Variants in KCP observed in about 807,000 individuals in gnomAD.
KCP encodes the protein kielin/chordin-like protein.
Under a neutral mutation model 212.7 loss-of-function variants are expected in KCP, and 194 were observed. The ratio of observed to expected loss-of-function variants is 0.91; its 90% CI spans 0.81 to 1.03. The LOEUF is 1.03. Ranked by LOEUF, KCP falls within the 50% of genes least tolerant of loss-of-function variation. KCP has a pLI of 0.00. For synonymous variants in KCP, 833 were observed against 865.3 expected (o/e 0.96, Z 0.65); for missense variants, 2,080 against 2,162.5 (o/e 0.96, Z 0.76).
In KCP at chr7:128,879,950, AGC is replaced by A; in HGVS notation, c.3893_3894del (p.Ser1298IlefsTer19). On this transcript the variant is annotated frameshift_variant, in exon 35 of 40. Transcript: ENST00000610776. LOFTEE classifies it high-confidence loss of function. ...GRLLHFQGSCSYVLAKDCHSG... is the reference protein window; with the variant it reads ...GRLLHFQGSCXYVLAKDCHSG... ...CTGTGGCAGTCCTTGGCCAGCACATAGCTGCAACTGCCCTGGAAGTGCAGCAG... is the reference window on the plus strand; with the variant it reads ...CTGTGGCAGTCCTTGGCCAGCACATATGCAACTGCCCTGGAAGTGCAGCAG... 1 of 1,550,936 alleles carries A rather than the reference AGC, an allele frequency of 6.4e-7. No individual in the cohort carries two copies. The highest frequency in any genetic ancestry group is 8.7e-7 in the Non-Finnish European group (1 of 1,146,942).
In KCP at chr7:128,907,314, T is replaced by C. The variant is rs1795174601; in HGVS notation, c.359A>G (p.Gln120Arg). The change falls in exon 3 of 40, where the codon CAG becomes CGG. Residue 120 changes from glutamine (Q) to arginine (R), a missense_variant. Transcript: ENST00000610776. ...GGGGCCACAGTGAGCGGCCCCATCC[T>C]GGCAGACGCAGGCTGTGCAGGCGTC... is the stretch of plus-strand genomic sequence containing the variant. ...EPDACTACVC[Q>R]DGAAHCGPQA... is the part of the protein sequence containing the mutation. 2 of 1,540,434 alleles carry C rather than the reference T, an allele frequency of 1.3e-6. No homozygotes were observed. The highest frequency in any genetic ancestry group is 1.4e-5 in the African/African-American group (1 of 72,952).
chr7:128,904,057 A>T lies in KCP; in HGVS notation c.653T>A (p.Leu218Gln). ...GGCAGAGGGGACAGGTGGACTCACC[A>T]GGCAGGTGCACTGTAGACAAGGGTT... ...SSNPCLQCTC[L>Q]RSRVRCMALK... The change falls in exon 6 of 40, where the codon CTG becomes CAG. Residue 218 changes from leucine (L) to glutamine (Q), a missense_variant and splice_region_variant. Coordinates refer to ENST00000610776, the MANE Select transcript of KCP (RefSeq NM_001366122.1). 6.4e-7 allele frequency: 1 copy of T among 1,551,378 alleles called. No individual in the cohort carries two copies. The highest frequency in any genetic ancestry group is 8.7e-7 in the Non-Finnish European group (1 of 1,146,788).
chr7:128,908,385 C>A, intron 2 of KCP, 41 bp downstream of exon 2: 1 of 1,519,754 alleles, frequency 6.6e-7, no homozygotes, highest in Non-Finnish European at 8.9e-7. Context: ...CTATGAGAAG[C>A]CCTCCTTACC....
intron 34 of KCP, 137 bp downstream of exon 34, chr7:128,880,249 C>T: frequency 7.6e-7 from 1 of 1,319,268 alleles, no homozygotes; most frequent in Admixed American, 2.8e-5. Flanking sequence ...CGTGGTCGCA[C>T]TGGGAACAGC....
In KCP at chr7:128,908,307, G is replaced by GAAAGAAAGAAAGAAAGAAAGT. The variant is rs1554420571; in HGVS notation, c.219+118_219+119insACTTTCTTTCTTTCTTTCTTT. The stretch of plus-strand genomic sequence containing the variant: ...GAAAGAAAGAAAGAAAGAAAGAAAG[G>GAAAGAAAGAAAGAAAGAAAGT]GAATTGTTCAGATAAGAGCTCTATT... On this transcript the variant is annotated intron_variant, in intron 2 of 39. Transcript: ENST00000610776. 7.6e-6 allele frequency: 3 copies of GAAAGAAAGAAAGAAAGAAAGT among 396,966 alleles called. No individual in the cohort carries two copies. In the African/African-American group the frequency reaches 1.1e-4, roughly 14 times the overall value. The allele number at this position is 396,966 out of a possible 1,614,324, so 24.6% of individuals were successfully genotyped here. A position where few individuals can be genotyped will look rare whatever the true frequency, so the allele number is the denominator to read the frequency against.
intron 6 of KCP, 94 bp from the exon 7 acceptor site, chr7:128,903,914 G>T: frequency 7.3e-7 from 1 of 1,377,790 alleles, no homozygotes; most frequent in Admixed American, 2.0e-5. Context: ...GGGGGGCACA[G>T]GGCAGGGATG....
intron 4 of KCP, 143 bp from the exon 5 acceptor site, chr7:128,906,506 G>T: frequency 1.5e-6 from 1 of 677,506 alleles, no homozygotes; most frequent in Non-Finnish European, 2.7e-6. Context: ...TACCCTCTGT[G>T]TAAAGGCAGA....
chr7:128,884,625 G>A (rs988958263), intron 28 of KCP, among the ~76,000 whole-genome samples, 156 bp downstream of exon 28: 36 of 152,174 alleles, frequency 2.4e-4, no homozygotes, highest in African/African-American at 8.7e-4. Flanking sequence ...GGCCCTGTTG[G>A]CCCCAACCCT....
rs1413730085 is a variant in KCP, at chr7:128,907,124, C to T, written c.463G>A (p.Ala155Thr). 6.4e-7 allele frequency: 1 copy of T among 1,551,476 alleles called. No individual in the cohort carries two copies. The highest frequency in any genetic ancestry group is 2.4e-5 in the East Asian group (1 of 40,906). The stretch of plus-strand genomic sequence containing the variant: ...ACCAGACAGCGGCAGGTGGTGCAGG[C>T]ATCTGGGGAGAAGGTCTCCCCGTTG... ...YGNGETFSPD[A>T]CTTCRCLEGT... Residue 155 changes from alanine to threonine, a missense_variant, in exon 4 of 40, where the codon GCC becomes ACC. By Grantham distance (58) the Ala-to-Thr change is moderately conservative. Coordinates refer to ENST00000610776, the MANE Select transcript of KCP (RefSeq NM_001366122.1).
intron 38 of KCP, among the ~76,000 whole-genome samples, chr7:128,878,262 T>A (rs186227904): frequency 1.2e-3 from 178 of 152,202 alleles, no homozygotes; most frequent in African/African-American, 4.0e-3. Flanking sequence ...TTCTCCATGT[T>A]GGTCAGGCTG....
At position 128,885,217 on chromosome 7, in the gene KCP, CG is replaced by C. The variant is rs778175457; in HGVS notation, c.2919del (p.Asp974ThrfsTer111). ...CACACACAGGAGGAGCAGGCACTGT[CG>C]GGGGGCACCCATCTACTGCCTTCGG... ...EHPEGSRWVP[P>X]DSACSSCVCH... On this transcript the variant is annotated frameshift_variant, in exon 27 of 40. Transcript: ENST00000610776. LOFTEE classifies it high-confidence loss of function. 4 of 1,550,492 alleles carry C rather than the reference CG, an allele frequency of 2.6e-6. No individual in the cohort carries two copies. Among genetic ancestry groups the C allele is most frequent in the African/African-American group, 1.4e-5 (1 of 73,054 alleles).
Position 128,890,997 on chromosome 7 carries a change from C to T in KCP, c.2072G>A (p.Cys691Tyr). The T allele has an allele frequency of 7.5e-7, 1 of 1,341,010 alleles. No individual in the cohort carries two copies. The allele number at this position is 1,341,010 out of a possible 1,614,324, so 83.1% of individuals were successfully genotyped here. A position where few individuals can be genotyped will look rare whatever the true frequency, so the allele number is the denominator to read the frequency against. Reference sequence around the variant, plus strand: ...CTGGCAGGACACGGAGCCGTCGAGGCAGAGGCAGCGGCGGCAGGGATCGCC... The same window carrying T: ...CTGGCAGGACACGGAGCCGTCGAGGTAGAGGCAGCGGCGGCAGGGATCGCC... The part of the protein sequence containing the change: ...PPGDPCRRCL[C>Y]LDGSVSCQRL... Residue 691 changes from cysteine (C) to tyrosine (Y), a missense_variant, in exon 20 of 40, where the codon TGC becomes TAC. By Grantham distance (194) the Cys-to-Tyr change is radical. Coordinates refer to ENST00000610776, the MANE Select transcript of KCP (RefSeq NM_001366122.1).
intron 32 of KCP, 63 bp downstream of exon 32, chr7:128,880,934 T>TG (rs1396779110): frequency 2.5e-6 from 1 of 398,932 alleles, no homozygotes; most frequent in African/African-American, 2.1e-5. Flanking sequence ...GGTGGAGTGT[T>TG]GGACACTCCT....
In KCP at chr7:128,880,105, C is replaced by G; in HGVS notation, c.3760-20G>C. 6.6e-7 allele frequency: 1 copy of G among 1,505,982 alleles called. No individual in the cohort carries two copies. The highest frequency in any genetic ancestry group is 8.9e-7 in the Non-Finnish European group (1 of 1,122,836). The allele number at this position is 1,505,982 out of a possible 1,614,324, so 93.3% of individuals were successfully genotyped here. A position where few individuals can be genotyped will look rare whatever the true frequency, so the allele number is the denominator to read the frequency against. On this transcript the variant is annotated intron_variant, in intron 34 of 39. Coordinates refer to ENST00000610776, the MANE Select transcript of KCP (RefSeq NM_001366122.1). ...CTTGTCCTGCACTCAGCCCCAGACA[C>G]TGTCAGACACACCGCCCTCCCCGCC... is the stretch of plus-strand genomic sequence containing the variant.
intron 7 of KCP, 41 bp from the exon 8 acceptor site, chr7:128,902,900 C>T: frequency 6.8e-7 from 1 of 1,466,466 alleles, no homozygotes; most frequent in South Asian, 1.2e-5. Context: ...CTGGTGGGAG[C>T]TGGCCTGGAC....
chr7:128,880,124 C>T, intron 34 of KCP, 39 bp from the exon 35 acceptor site: 1 of 1,481,952 alleles, frequency 6.7e-7, no homozygotes, highest in Middle Eastern at 1.9e-4. Context: ...ACACCGCCCT[C>T]CCCGCCATGC....
At position 128,888,975 on chromosome 7, in the gene KCP, G is replaced by A; in HGVS notation, c.2400C>T (p.Cys800=). 6.5e-7 allele frequency: 1 copy of A among 1,548,526 alleles called. No homozygotes were observed. Among genetic ancestry groups the A allele is most frequent in the Non-Finnish European group, 8.7e-7 (1 of 1,144,964 alleles). The part of the protein sequence containing the change: ...NQEFPDPREP[C]NLCTCLGGFV... ...AGCCTCCAAGACAGGTACACAGGTT[G>A]CAGGGTTCTCGGGGGTCTGGGAACT... The change falls in exon 22 of 40, where the codon TGC becomes TGT. Residue 800 remains cysteine (C), a synonymous_variant. Coordinates refer to ENST00000610776, the MANE Select transcript of KCP (RefSeq NM_001366122.1).
At chr7:128,885,400 G>A in intron 26 of KCP, 130 bp from the exon 27 acceptor site, 1 of 899,856 alleles carries the variant, frequency 1.1e-6, no homozygotes, top group Non-Finnish European at 1.7e-6. Context: ...GCGGGAAGGT[G>A]CGATGGGGCA....
chr7:128,889,414 G>A (rs889997406), intron 21 of KCP, among the ~76,000 whole-genome samples: 2 of 152,008 alleles, frequency 1.3e-5, no homozygotes, highest in Non-Finnish European at 2.9e-5. Context: ...CCAAGGTAGC[G>A]CCTTTCCCAC....
Sources: allele counts gnomAD v4.1 joint callset (sites outside exome capture counted in the v4.1 genomes callset), GRCh38; gene constraint gnomAD v4.1.1; transcripts MANE v1.5; gene names NCBI Gene and HGNC (gene_info 2026-07-23, HGNC 2026-07-21).